TECPR1: variants seen among roughly 807,000 people sequenced by gnomAD.
The protein encoded by TECPR1 is tectonin beta-propeller repeat containing 1, also known as tectonin beta-propeller repeat-containing protein 1.
A neutral mutation model predicts 162.4 loss-of-function variants in TECPR1; 122 were observed. That is an observed-to-expected ratio of 0.75 (90% CI 0.65 to 0.87). The LOEUF is 0.87. TECPR1 is among the 40% of genes least tolerant of loss of function. The pLI is 0.00. For synonymous variants in TECPR1, 642 were observed against 670.6 expected (o/e 0.96, Z 0.66); for missense variants, 1,432 against 1,618.2 (o/e 0.88, Z 1.97).
chr7:98,223,079 C>T lies in TECPR1; in HGVS notation c.2839G>A (p.Glu947Lys), dbSNP rs760569091. 18 of 1,604,312 alleles carry T rather than the reference C, an allele frequency of 1.1e-5. No individual in the cohort carries two copies. The highest frequency in any genetic ancestry group is 1.6e-4 in the Middle Eastern group (1 of 6,074). The change falls in exon 21 of 26, where the codon GAG becomes AAG. Residue 947 changes from glutamate to lysine, a missense_variant. Transcript: ENST00000447648. ...AGGGCGATGCTGTGCCCACTCCCCT[C>T]GGCACCCGGGCTCTCCGGGATGATG... The part of the protein sequence containing the change: ...VSIIPESPGA[E>K]GSGHSIALWA...
At chr7:98,242,665 A>T in intron 6 of TECPR1, among the ~76,000 whole-genome samples, 1 of 133,558 alleles carries the variant, frequency 7.5e-6, no homozygotes, top group African/African-American at 2.9e-5. Context: ...ATACCCACCT[A>T]TCCATCTATC....
intron 2 of TECPR1, among the ~76,000 whole-genome samples, chr7:98,247,000 C>T (rs117155255): frequency 0.014 from 2,139 of 151,700 alleles, 33 homozygotes; most frequent in Non-Finnish European, 0.02. Flanking sequence ...TAGCCAGGCA[C>T]AGTAGTGTGT....
chr7:98,236,908 C>T lies in TECPR1; in HGVS notation c.1049G>A (p.Gly350Asp). Residue 350 changes from glycine to aspartate, a missense_variant, in exon 10 of 26, where the codon GGC becomes GAC. By Grantham distance (94) the Gly-to-Asp change is moderately conservative. Coordinates refer to ENST00000447648, the MANE Select transcript of TECPR1 (RefSeq NM_015395.3). The stretch of plus-strand genomic sequence containing the variant: ...GAAGTACACGGCTCGGTCCTCACAG[C>T]CAATGCCCCACACCTGGAAGAGAGA... Reference protein sequence around the residue: ...VGMNDQVWGIGCEDRAVYFRQ... With the variant: ...VGMNDQVWGIDCEDRAVYFRQ... The T allele has an allele frequency of 1.9e-6, 3 of 1,562,508 alleles. No homozygotes were observed. Among genetic ancestry groups the T allele is most frequent in the African/African-American group, 1.4e-5 (1 of 73,534 alleles).
In TECPR1 at chr7:98,228,070, C is replaced by A. The variant is rs1157592005; in HGVS notation, c.2457G>T (p.Lys819Asn). ...GCTGGTTCTCATAGATGTGAACACA[C>A]TTCACGTCTGACTGCGTGTAGATGT... ...TSNIYTQSDV[K>N]CVHIYENQRW... The change falls in exon 17 of 26, where the codon AAG (lysine) becomes AAT (asparagine). Residue 819 changes from lysine to asparagine, a missense_variant. Lys to Asn is a moderately conservative substitution (Grantham distance 94). Transcript: ENST00000447648. 6.2e-7 allele frequency: 1 copy of A among 1,613,084 alleles called. No individual in the cohort carries two copies. The highest frequency in any genetic ancestry group is 1.1e-5 in the South Asian group (1 of 90,688).
intron 9 of TECPR1, among the ~76,000 whole-genome samples, chr7:98,237,860 C>G (rs1423259712): frequency 2.0e-5 from 3 of 152,184 alleles, no homozygotes; most frequent in African/African-American, 4.8e-5. Flanking sequence ...ACAGCCTTGA[C>G]CTCCTGGGCT....
chr7:98,232,680 G>C lies in TECPR1; in HGVS notation c.1818+147C>G. ...TTCAGGATGGACGAAGAAACCCTGA[G>C]CTCATTTCTCTATGCCTGCATCTGG... On this transcript the variant is annotated intron_variant, in intron 12 of 25. Transcript: ENST00000447648. This position sits in a 1 kb window ranked among gnomAD's most constrained non-coding sequence, Gnocchi z 4.6. The C allele has an allele frequency of 9.1e-7, 1 of 1,100,194 alleles. No homozygotes were observed. Among genetic ancestry groups the C allele is most frequent in the Non-Finnish European group, 1.2e-6 (1 of 804,228 alleles). 68.2% of individuals were successfully genotyped at this position (1,100,194 alleles called of 1,614,324 possible). A position where few individuals can be genotyped will look rare whatever the true frequency, so the allele number is the denominator to read the frequency against.
chr7:98,233,762 G>A lies in TECPR1; in HGVS notation c.1331C>T (p.Ser444Leu). The A allele has an allele frequency of 1.9e-6, 3 of 1,612,680 alleles. No individual in the cohort carries two copies. The highest frequency in any genetic ancestry group is 2.5e-6 in the Non-Finnish European group (3 of 1,179,770). Residue 444 changes from serine (S) to leucine (L), a missense_variant, in exon 11 of 26, where the codon TCA (serine) becomes TTA (leucine). Coordinates refer to ENST00000447648, the MANE Select transcript of TECPR1 (RefSeq NM_015395.3). The part of the protein sequence containing the change: ...LDDSKNATGN[S>L]ASGLGAGRTA... ...CCTGCCAGCCCCCAGGCCTGAGGCT[G>A]AGTTCCCTGTGGCATTCTTGGAATC...
intron 2 of TECPR1, among the ~76,000 whole-genome samples, chr7:98,247,222 G>A (rs1156984807): frequency 6.6e-6 from 1 of 151,890 alleles, no homozygotes; most frequent in African/African-American, 2.4e-5. Context: ...AACTCGTTGC[G>A]GCCTCGAACT....
chr7:98,228,115 G>A lies in TECPR1; in HGVS notation c.2412C>T (p.Gly804=), dbSNP rs909898625. Residue 804 remains glycine, a splice_region_variant and synonymous_variant, in exon 17 of 26, where the codon GGC becomes GGT. Coordinates refer to ENST00000447648, the MANE Select transcript of TECPR1 (RefSeq NM_015395.3). ...TGGYGGGCFQ[G]LASSTSNIYT... is the part of the protein sequence containing the mutation. Reference sequence around the variant, plus strand: ...AGATGTTACTGGTGCTGCTGGCCAGGCCTGTGGGGAGAGGTGGCTGCTGGG... The same window carrying A: ...AGATGTTACTGGTGCTGCTGGCCAGACCTGTGGGGAGAGGTGGCTGCTGGG... 3 of 1,608,548 alleles carry A rather than the reference G, an allele frequency of 1.9e-6. No homozygotes were observed. Among genetic ancestry groups the A allele is most frequent in the African/African-American group, 2.7e-5 (2 of 74,702 alleles).
chr7:98,241,192 G>T lies in TECPR1; in HGVS notation c.710C>A (p.Ser237Tyr), dbSNP rs765798589. 6.2e-7 allele frequency: 1 copy of T among 1,612,858 alleles called. No homozygotes were observed. The highest frequency in any genetic ancestry group is 8.5e-7 in the Non-Finnish European group (1 of 1,179,836). The change falls in exon 7 of 26, where the codon TCC becomes TAC. Residue 237 changes from serine to tyrosine, a missense_variant. Physicochemically the swap from Ser to Tyr is moderately radical, Grantham distance 144. Coordinates refer to ENST00000447648, the MANE Select transcript of TECPR1 (RefSeq NM_015395.3). This position sits in a 1 kb window ranked among gnomAD's most constrained non-coding sequence, Gnocchi z 5.0. Reference sequence around the variant, plus strand: ...CACCTCCCCGGGGGTGTCCAGCAGGGACCAGGAGGACCCTTCGGGGTTGGA... The same window carrying T: ...CACCTCCCCGGGGGTGTCCAGCAGGTACCAGGAGGACCCTTCGGGGTTGGA... ...SHSNPEGSSWSLLDTPGEVVQ... is the reference protein window; with the variant it reads ...SHSNPEGSSWYLLDTPGEVVQ...
chr7:98,231,452 C>T, intron 13 of TECPR1, 79 bp from the exon 14 acceptor site: 1 of 1,450,912 alleles, frequency 6.9e-7, no homozygotes, highest in African/African-American at 1.4e-5. Flanking sequence ...CTGTGCTTCA[C>T]CCTGGGACCC....
At position 98,223,580 on chromosome 7, in the gene TECPR1, G is replaced by A. The variant is rs568918319; in HGVS notation, c.2747+82C>T. ...GGTCAGAGGCCAGGAGATCTGGCCCGGGGTGCAGGGAACCAGAGCTCCCTC... is the reference window on the plus strand; with the variant it reads ...GGTCAGAGGCCAGGAGATCTGGCCCAGGGTGCAGGGAACCAGAGCTCCCTC... On this transcript the variant is annotated intron_variant, in intron 20 of 25. Transcript: ENST00000447648. 1.7e-3 allele frequency: 2,480 copies of A among 1,477,506 alleles called. 4 individuals are homozygous for A. Among genetic ancestry groups the A allele is most frequent in the Non-Finnish European group, 2.1e-3 (2,222 of 1,063,774 alleles). 91.5% of individuals were successfully genotyped at this position (1,477,506 alleles called of 1,614,324 possible).
At chr7:98,238,437 G>A in intron 9 of TECPR1, 72 bp downstream of exon 9, 3 of 1,248,488 alleles carry the variant, frequency 2.4e-6, no homozygotes, top group East Asian at 2.5e-5. Context: ...CGGCCACTAG[G>A]CTATTGGGTG....
chr7:98,226,675 T>G (rs574747027), intron 17 of TECPR1: 1 of 1,170,890 alleles, frequency 8.5e-7, no homozygotes, highest in Non-Finnish European at 1.1e-6. Flanking sequence ...CGCCTGATGA[T>G]GCCTGTAATC....
chr7:98,238,760 TTA>T, intron 8 of TECPR1, 150 bp from the exon 9 acceptor site: 1 of 693,398 alleles, frequency 1.4e-6, no homozygotes. Context: ...GAGGAAGCCC[TTA>T]TCCGTGATCC....
At chr7:98,217,913 C>T (rs1164816074) in intron 24 of TECPR1, 23 bp downstream of exon 24, 6 of 1,544,386 alleles carry the variant, frequency 3.9e-6, no homozygotes, top group East Asian at 2.4e-5. Flanking sequence ...CCCAAGTGCC[C>T]GATACCCCCT....
chr7:98,231,032 C>T lies in TECPR1; in HGVS notation c.2211G>A (p.Lys737=). 1 of 1,612,864 alleles carries T rather than the reference C, an allele frequency of 6.2e-7. No homozygotes were observed. The highest frequency in any genetic ancestry group is 8.5e-7 in the Non-Finnish European group (1 of 1,179,632). ...TGGGCTCGCTCACGAAGATGTCCCC[C>T]TTGCAGGTGATGGACCAGATGGCCT... ...SPQAIWSITC[K]GDIFVSEPSP... Residue 737 remains lysine, a synonymous_variant, in exon 15 of 26, where the codon AAG becomes AAA. Transcript: ENST00000447648.
intron 17 of TECPR1, chr7:98,226,575 G>C (rs1798283766): frequency 2.9e-6 from 3 of 1,047,476 alleles, no homozygotes; most frequent in South Asian, 5.7e-5. Flanking sequence ...GGTGAGATTA[G>C]AGTTGTCAGA....
chr7:98,247,407 C>T lies in TECPR1; in HGVS notation c.-19-1242G>A, dbSNP rs150421977. On this transcript the variant is annotated intron_variant, in intron 2 of 25. Coordinates refer to ENST00000447648, the MANE Select transcript of TECPR1 (RefSeq NM_015395.3). ...CCTCCCATCTCGGCCTCCCAAACTG[C>T]TAGGATTACAGCCTTGAGCCACCAT... 1.2e-3 allele frequency among the ~76,000 whole-genome samples: 176 copies of T among 152,154 alleles called. 1 individual carries two copies. Among genetic ancestry groups the T allele is most frequent in the African/African-American group, 4.1e-3 (171 of 41,538 alleles).
Sources: allele counts gnomAD v4.1 joint callset (sites outside exome capture counted in the v4.1 genomes callset), GRCh38; gene constraint gnomAD v4.1.1; non-coding constraint Gnocchi (gnomAD v3.1); transcripts MANE v1.5; gene names NCBI Gene and HGNC (gene_info 2026-07-23, HGNC 2026-07-21).